The following JAK2 variants were observed in gnomAD, a reference collection of about 807,000 sequenced individuals.
JAK2 encodes the protein tyrosine-protein kinase JAK2.
In JAK2, 86 loss-of-function variants were observed where a neutral mutation model predicts 139.3. The observed-to-expected ratio is 0.62, with a 90% CI of 0.52 to 0.74. The LOEUF is 0.74. Among genes scored for constraint, JAK2 ranks in the 30% least tolerant of loss-of-function variants. The probability of loss-of-function intolerance (pLI) is 0.00; values close to 1 mark genes in which losing one functional copy is unlikely to be tolerated. For missense variants in JAK2, 1,421 were observed against 1,360.3 expected (o/e 1.04, Z -0.70); for synonymous variants, 490 against 437.7 (o/e 1.12, Z -1.49).
intron 2 of JAK2, among the ~76,000 whole-genome samples, chr9:5,018,261 G>A (rs1471597694): frequency 6.6e-6 from 1 of 152,104 alleles, no homozygotes; most frequent in East Asian, 1.9e-4. Context: ...GTGTGTGTTT[G>A]CTTTACCAGT....
At chr9:5,026,459 G>C (rs1316395762) in intron 3 of JAK2, among the ~76,000 whole-genome samples, 1 of 152,146 alleles carries the variant, frequency 6.6e-6, no homozygotes, top group Non-Finnish European at 1.5e-5. Flanking sequence ...TTTAAATTAA[G>C]AATTTAAGTC....
At chr9:5,016,547 AATGT>A (rs905383194) in intron 2 of JAK2, among the ~76,000 whole-genome samples, 1 of 152,232 alleles carries the variant, frequency 6.6e-6, no homozygotes, top group African/African-American at 2.4e-5. Context: ...AAAATTTAAA[AATGT>A]AAGTAAACCT....
intron 4 of JAK2, among the ~76,000 whole-genome samples, chr9:5,036,533 A>T (rs1469360452): frequency 1.3e-5 from 2 of 152,252 alleles, no homozygotes; most frequent in Admixed American, 1.3e-4. Context: ...ACAGAGATAT[A>T]GACCAATGGA....
At chr9:5,065,607 A>G (rs1163348578) in intron 9 of JAK2, among the ~76,000 whole-genome samples, 1 of 152,162 alleles carries the variant, frequency 6.6e-6, no homozygotes. Flanking sequence ...TTTAATTTTA[A>G]TTTCTTTACA....
Position 5,077,570 on chromosome 9 carries a change from T to C in JAK2, c.1982T>C (p.Met661Thr). Residue 661 changes from methionine to threonine, a missense_variant, in exon 15 of 25, where the codon ATG becomes ACG. Coordinates refer to ENST00000381652, the MANE Select transcript of JAK2 (RefSeq NM_004972.4). ...GTTGCTAAACAGTTGGCATGGGCCA[T>C]GCATTTTCTAGTAAGTAGTACAACC... ...LEVAKQLAWA[M>T]HFLEENTLIH... The C allele has an allele frequency of 6.7e-7, 1 of 1,484,398 alleles. No homozygotes were observed. Among genetic ancestry groups the C allele is most frequent in the Non-Finnish European group, 8.9e-7 (1 of 1,119,174 alleles). The allele number at this position is 1,484,398 out of a possible 1,614,324, so 92.0% of individuals were successfully genotyped here.
chr9:5,040,888 G>T, intron 4 of JAK2: 1 of 296,296 alleles, frequency 3.4e-6, no homozygotes, highest in African/African-American at 2.3e-5. Context: ...GCGCCGCGCT[G>T]CTGAAGCCTG....
chr9:5,011,257 C>A (rs529543524), intron 2 of JAK2, among the ~76,000 whole-genome samples: 1 of 152,258 alleles, frequency 6.6e-6, no homozygotes, highest in East Asian at 1.9e-4. Context: ...GTGATCACGG[C>A]TTTCTGCAGC....
At chr9:5,011,800 T>G (rs1184921634) in intron 2 of JAK2, among the ~76,000 whole-genome samples, 15 of 152,232 alleles carry the variant, frequency 9.9e-5, no homozygotes, top group Admixed American at 9.8e-4. Context: ...GCAGACCAAC[T>G]TGATCCTGCG....
chr9:5,063,505 T>C (rs925460592), intron 8 of JAK2, among the ~76,000 whole-genome samples: 4 of 152,190 alleles, frequency 2.6e-5, no homozygotes, highest in African/African-American at 9.6e-5. Context: ...CTCTCTTATA[T>C]TGGATCTGAT....
intron 22 of JAK2, chr9:5,110,491 C>G (rs1355492099): frequency 6.5e-6 from 1 of 154,794 alleles, no homozygotes; most frequent in African/African-American, 2.4e-5. Flanking sequence ...TTTATATGCT[C>G]AGGCTCCATC....
At chr9:5,005,610 C>T (rs1026926340) in intron 2 of JAK2, among the ~76,000 whole-genome samples, 13 of 152,000 alleles carry the variant, frequency 8.6e-5, no homozygotes, top group Non-Finnish European at 1.5e-4. Flanking sequence ...GAGAGAGATT[C>T]CAGTGTAATT....
chr9:5,090,816 C>G lies in JAK2; in HGVS notation c.2964C>G (p.Asn988Lys), dbSNP rs370131729. The G allele has an allele frequency of 1.3e-5, 21 of 1,613,266 alleles. No individual in the cohort carries two copies. The African/African-American group carries it at 1.5e-4, about 11-fold the overall frequency. Residue 988 changes from asparagine to lysine, a missense_variant, in exon 22 of 25, where the codon AAC (asparagine) becomes AAG (lysine). By Grantham distance (94) the Asn-to-Lys change is moderately conservative. Transcript: ENST00000381652. ...ATRNILVENE[N>K]RVKIGDFGLT... The stretch of plus-strand genomic sequence containing the variant: ...GAAATATATTGGTGGAGAACGAGAA[C>G]AGAGTTAAAATTGGAGATTTTGGGT...
intron 3 of JAK2, 34 bp from the exon 4 acceptor site, chr9:5,029,748 AC>A: frequency 6.3e-7 from 1 of 1,575,688 alleles, no homozygotes; most frequent in Admixed American, 1.8e-5. Flanking sequence ...TCTGTTGTGT[AC>A]CTTTAATAAT....
Position 5,127,216 on chromosome 9 carries a change from C to T in JAK2, c.*425C>T, listed in dbSNP as rs190355765. On this transcript the variant is annotated 3_prime_UTR_variant, in exon 25 of 25. Coordinates refer to ENST00000381652, the MANE Select transcript of JAK2 (RefSeq NM_004972.4). ...GGCATCTTGTGTGATGTTTTACACA[C>T]ATGAGGGCTGGTGTTCATTAATACT... The T allele has an allele frequency of 7.3e-5, 17 of 233,684 alleles. No homozygotes were observed. The Admixed American group carries it at 7.9e-4, about 11-fold the overall frequency. 14.5% of individuals were successfully genotyped at this position (233,684 alleles called of 1,614,324 possible).
rs1436280212 is a variant in JAK2 at position 5,112,018 on chromosome 9, C to CAG, written c.3060-10985_3060-10984dup. 4 of 402,272 alleles carry CAG rather than the reference C, an allele frequency of 9.9e-6. No individual in the cohort carries two copies. The East Asian group carries it at 2.9e-4, about 29-fold the overall frequency. 24.9% of individuals were successfully genotyped at this position (402,272 alleles called of 1,614,324 possible). The stretch of plus-strand genomic sequence containing the variant: ...GGAGGGACGTCGCACTAGCCTGGAG[C>CAG]AGGAGTCCCTGGTGCCTTATCACCC... On this transcript the variant is annotated intron_variant, in intron 22 of 24. Transcript: ENST00000381652.
At chr9:5,098,589 G>A (rs560677762) in intron 22 of JAK2, 2 of 152,152 alleles carry the variant, frequency 1.3e-5, no homozygotes, top group East Asian at 3.9e-4. Context: ...TACGTATTCT[G>A]TATAAAACAG....
chr9:5,077,221 T>C (rs915819037), intron 14 of JAK2, among the ~76,000 whole-genome samples: 1 of 150,092 alleles, frequency 6.7e-6, no homozygotes, highest in Non-Finnish European at 1.5e-5. Flanking sequence ...TATACATTTA[T>C]GTTATATATA....
At chr9:5,064,552 A>G (rs1818435989) in intron 8 of JAK2, among the ~76,000 whole-genome samples, 1 of 152,028 alleles carries the variant, frequency 6.6e-6, no homozygotes, top group African/African-American at 2.4e-5. Context: ...AAAAAAGGAA[A>G]TGCTCATGAT....
chr9:5,034,519 A>G (rs1163788689), intron 4 of JAK2, among the ~76,000 whole-genome samples: 1 of 152,106 alleles, frequency 6.6e-6, no homozygotes, highest in African/African-American at 2.4e-5. Context: ...GTAAAAGAAC[A>G]GAAATTATAA....
Sources: allele counts gnomAD v4.1 joint callset (sites outside exome capture counted in the v4.1 genomes callset), GRCh38; gene constraint gnomAD v4.1.1; transcripts MANE v1.5; gene names NCBI Gene and HGNC (gene_info 2026-07-23, HGNC 2026-07-21).